Variants in LAMA3 observed in about 807,000 individuals in gnomAD.
LAMA3 encodes the protein laminin subunit alpha-3.
In LAMA3, 281 loss-of-function variants were observed where a neutral mutation model predicts 402.0. The ratio of observed to expected loss-of-function variants is 0.70; its 90% CI spans 0.63 to 0.77. The LOEUF is 0.77. Among genes scored for constraint, LAMA3 ranks in the 30% least tolerant of loss-of-function variants. The pLI, the probability that LAMA3 is intolerant of heterozygous loss-of-function variation, is 0.00. For missense variants in LAMA3, 3,840 were observed against 4,215.5 expected, an observed-to-expected ratio of 0.91 and a Z score of 2.47; for synonymous variants, 1,431 against 1,558.4, an observed-to-expected ratio of 0.92 and a Z score of 1.93.
chr18:23,916,445 T>C, intron 59 of LAMA3, 106 bp from the exon 60 acceptor site: 1 of 1,327,488 alleles, frequency 7.5e-7, no homozygotes, highest in Non-Finnish European at 1.1e-6. Flanking sequence ...CTAGATTGCA[T>C]TTTCTTGGCT....
chr18:23,912,802 C>G lies in LAMA3; in HGVS notation c.7250C>G (p.Ser2417Cys), dbSNP rs1356105759. ...GATTTGAAAGGATATACATCTCTGT[C>G]CTTGTTTCTCCAAAGGCCCAACTCA... ...LEDLKGYTSLSLFLQRPNSRE... is the reference protein window; with the variant it reads ...LEDLKGYTSLCLFLQRPNSRE... The change falls in exon 56 of 75, where the codon TCC (serine) becomes TGC (cysteine). Residue 2417 changes from serine (S) to cysteine (C), a missense_variant. Ser to Cys is a moderately radical substitution (Grantham distance 112). Transcript: ENST00000313654. 6.2e-7 allele frequency: 1 copy of G among 1,613,836 alleles called. No individual in the cohort carries two copies. Among genetic ancestry groups the G allele is most frequent in the Non-Finnish European group, 8.5e-7 (1 of 1,179,700 alleles).
intron 2 of LAMA3, among the ~76,000 whole-genome samples, chr18:23,731,781 G>C (rs1394172876): frequency 2.5e-5 from 1 of 39,410 alleles, no homozygotes; most frequent in Non-Finnish European, 1.1e-4. Flanking sequence ...AGGGAGGGAG[G>C]GGAAAGGGTT....
chr18:23,822,238 T>C lies in LAMA3; in HGVS notation c.2305-14T>C, dbSNP rs764225391. The C allele has an allele frequency of 6.2e-7, 1 of 1,613,870 alleles. No individual in the cohort carries two copies. Among genetic ancestry groups the C allele is most frequent in the East Asian group, 2.2e-5 (1 of 44,868 alleles). Reference sequence around the variant, plus strand: ...ATTTTTTTCTATGCTTTATGGCGTTTCGGTATTTTTCAGAATGATGTAAGA... The same window carrying C: ...ATTTTTTTCTATGCTTTATGGCGTTCCGGTATTTTTCAGAATGATGTAAGA... On this transcript the variant is annotated splice_polypyrimidine_tract_variant and intron_variant, in intron 19 of 74. Coordinates refer to ENST00000313654, the MANE Select transcript of LAMA3 (RefSeq NM_198129.4).
At chr18:23,953,907 G>T (rs1424146152) in intron 74 of LAMA3, among the ~76,000 whole-genome samples, 2 of 152,104 alleles carry the variant, frequency 1.3e-5, no homozygotes, top group Non-Finnish European at 2.9e-5. Flanking sequence ...ACTGTAATCC[G>T]GTTGTTAATT....
rs1478386002 is a variant in LAMA3 at position 23,702,906 on chromosome 18, T to G, written c.295-11014T>G. On this transcript the variant is annotated intron_variant, in intron 1 of 74. Transcript: ENST00000313654. The stretch of plus-strand genomic sequence containing the variant: ...CCACCTCTTTGTGTCTGTTTCCCTC[T>G]CTATAAAAGGGTCTGATGCTTGTGT... Among the ~76,000 whole-genome samples, 3 of 152,226 alleles carry G rather than the reference T, an allele frequency of 2.0e-5. No homozygotes were observed. The East Asian group carries it at 5.8e-4, about 29-fold the overall frequency.
intron 2 of LAMA3, among the ~76,000 whole-genome samples, chr18:23,728,087 G>C (rs960701185): frequency 6.6e-6 from 1 of 152,236 alleles, no homozygotes; most frequent in Middle Eastern, 3.4e-3. Context: ...TCCTGAAAAG[G>C]CCTCCTCTTC....
At chr18:23,892,952 C>T (rs1436961050) in intron 42 of LAMA3, among the ~76,000 whole-genome samples, 1 of 148,990 alleles carries the variant, frequency 6.7e-6, no homozygotes, top group African/African-American at 2.5e-5. Context: ...AAAAGGAACC[C>T]ATGATTATAT....
intron 66 of LAMA3, among the ~76,000 whole-genome samples, chr18:23,933,094 C>T (rs968814815): frequency 3.9e-5 from 6 of 152,206 alleles, no homozygotes; most frequent in Non-Finnish European, 8.8e-5. Context: ...CCAAGACTTT[C>T]CTCCTCATAG....
At chr18:23,946,393 T>C in intron 70 of LAMA3, 109 bp downstream of exon 70, 2 of 1,211,482 alleles carry the variant, frequency 1.7e-6, no homozygotes, top group Non-Finnish European at 2.4e-6. Context: ...CAAAATACTT[T>C]AAATGATTTT....
At chr18:23,888,731 T>A (rs2080528501) in intron 41 of LAMA3, among the ~76,000 whole-genome samples, 1 of 152,204 alleles carries the variant, frequency 6.6e-6, no homozygotes, top group East Asian at 1.9e-4. Context: ...TGGAATTGCC[T>A]AATTTTTTTT....
At chr18:23,817,176 G>T (rs2063192789) in intron 18 of LAMA3, among the ~76,000 whole-genome samples, 1 of 152,150 alleles carries the variant, frequency 6.6e-6, no homozygotes, top group Non-Finnish European at 1.5e-5. Flanking sequence ...AGGGAATGAG[G>T]TGGAGATTGA....
intron 32 of LAMA3, among the ~76,000 whole-genome samples, 187 bp from the exon 33 acceptor site, chr18:23,857,657 T>G (rs2064115150): frequency 6.6e-6 from 1 of 152,258 alleles, no homozygotes; most frequent in African/African-American, 2.4e-5. Flanking sequence ...ACAATGGCCA[T>G]TGGTCAATGA....
At position 23,839,266 on chromosome 18, in the gene LAMA3, A is replaced by G. The variant is rs779048373; in HGVS notation, c.3191+388A>G. 2.1e-4 allele frequency among the ~76,000 whole-genome samples: 32 copies of G among 152,274 alleles called. No homozygotes were observed. The highest frequency in any genetic ancestry group is 3.2e-4 in the Non-Finnish European group (22 of 68,012). On this transcript the variant is annotated intron_variant, in intron 26 of 74. Coordinates refer to ENST00000313654, the MANE Select transcript of LAMA3 (RefSeq NM_198129.4). The surrounding 1 kb of genome is among the most constrained non-coding windows in gnomAD (Gnocchi z 4.5). ...ACTATGTGATGAGAATCAGCTAACT[A>G]ATGCTTATTGGGGTTTTGGTAGGGT...
chr18:23,818,151 T>A (rs1467611837), intron 18 of LAMA3, among the ~76,000 whole-genome samples: 1 of 152,156 alleles, frequency 6.6e-6, no homozygotes, highest in Non-Finnish European at 1.5e-5. Flanking sequence ...TGAGACTCCG[T>A]CTTAAAAAAA....
chr18:23,935,657 GA>G (rs1458761896), intron 67 of LAMA3, among the ~76,000 whole-genome samples: 1 of 152,130 alleles, frequency 6.6e-6, no homozygotes, highest in Non-Finnish European at 1.5e-5. Flanking sequence ...CAATGTAAAT[GA>G]AGATAAATAA....
At chr18:23,928,548 T>C in intron 63 of LAMA3, 77 bp from the exon 64 acceptor site, 3 of 1,275,928 alleles carry the variant, frequency 2.4e-6, no homozygotes, top group Non-Finnish European at 3.4e-6. Context: ...TTGAGTAAAG[T>C]GAGATAGGGT....
At chr18:23,872,806 T>G in intron 38 of LAMA3, 1 of 539,606 alleles carries the variant, frequency 1.9e-6, no homozygotes, top group African/African-American at 1.9e-5. Flanking sequence ...CAGGGTGAGG[T>G]GGGTGGAAGG....
intron 58 of LAMA3, 31 bp downstream of exon 58, chr18:23,914,891 AT>A: frequency 6.4e-7 from 1 of 1,560,050 alleles, no homozygotes; most frequent in Non-Finnish European, 8.8e-7. Context: ...ACTGAATTAA[AT>A]ATTAAAATTT....
At chr18:23,936,233 T>A (rs1016611988) in intron 67 of LAMA3, among the ~76,000 whole-genome samples, 37 of 151,092 alleles carry the variant, frequency 2.4e-4, no homozygotes, top group Non-Finnish European at 4.7e-4. Context: ...TTTTTTCTTT[T>A]TATATATATA....
Sources: allele counts gnomAD v4.1 joint callset (sites outside exome capture counted in the v4.1 genomes callset), GRCh38; gene constraint gnomAD v4.1.1; non-coding constraint Gnocchi (gnomAD v3.1); transcripts MANE v1.5; gene names NCBI Gene and HGNC (gene_info 2026-07-23, HGNC 2026-07-21).